Variants in MAD1L1 observed in about 807,000 individuals in gnomAD.
MAD1L1 encodes the protein mitotic spindle assembly checkpoint protein MAD1.
In MAD1L1, 95 loss-of-function variants were observed where a neutral mutation model predicts 96.9. The observed-to-expected ratio is 0.98, with a 90% confidence interval of 0.83 to 1.16. The LOEUF (loss-of-function observed/expected upper bound fraction) is 1.16, where lower values mean the gene tolerates loss of function less well. MAD1L1 is among the 50% of genes most tolerant of loss of function. The pLI is 0.00. For missense variants in MAD1L1, 1,007 were observed against 954.4 expected, an observed-to-expected ratio of 1.06 and a Z score of -0.73; for synonymous variants, 473 against 396.6, an observed-to-expected ratio of 1.19 and a Z score of -2.29.
chr7:1,903,846 C>G (rs1787435055), intron 17 of MAD1L1, among the ~76,000 whole-genome samples: 1 of 143,272 alleles, frequency 7.0e-6, no homozygotes, highest in African/African-American at 2.7e-5. Flanking sequence ...ATTGATCAAG[C>G]ACTGTTCCAG....
chr7:2,187,794 T>C (rs1791530847), intron 10 of MAD1L1, among the ~76,000 whole-genome samples: 1 of 152,236 alleles, frequency 6.6e-6, no homozygotes, highest in South Asian at 2.1e-4. Context: ...TAAAATATTT[T>C]ACTTAAAAAC....
chr7:2,098,990 G>A (rs3778966), intron 11 of MAD1L1, among the ~76,000 whole-genome samples: 54 of 152,238 alleles, frequency 3.5e-4, no homozygotes, highest in South Asian at 1.4e-3. Context: ...GGAAGGTGCC[G>A]GAATGTCTGG....
At chr7:2,051,369 C>G (rs1197962422) in intron 12 of MAD1L1, among the ~76,000 whole-genome samples, 2 of 152,212 alleles carry the variant, frequency 1.3e-5, no homozygotes, top group African/African-American at 4.8e-5. Flanking sequence ...CTCCAGGTTT[C>G]TCGTCCATAA....
intron 5 of MAD1L1, among the ~76,000 whole-genome samples, chr7:2,220,156 G>A (rs1793518630): frequency 6.6e-6 from 1 of 152,238 alleles, no homozygotes; most frequent in Non-Finnish European, 1.5e-5. Context: ...GACAAAGACG[G>A]AGGCTGTGCA....
intron 18 of MAD1L1, among the ~76,000 whole-genome samples, chr7:1,859,132 G>A (rs532880487): frequency 1.7e-4 from 24 of 143,808 alleles, no homozygotes; most frequent in Non-Finnish European, 2.8e-4. Context: ...AACCCCACAC[G>A]CAGGAGGGCC....
At chr7:1,971,307 T>A (rs1356143975) in intron 15 of MAD1L1, among the ~76,000 whole-genome samples, 1 of 152,190 alleles carries the variant, frequency 6.6e-6, no homozygotes, top group African/African-American at 2.4e-5. Flanking sequence ...GCAGCCAGGC[T>A]CCTACAGGCT....
chr7:1,900,800 T>TTCC (rs929561575), intron 17 of MAD1L1, among the ~76,000 whole-genome samples: 1 of 152,196 alleles, frequency 6.6e-6, no homozygotes, highest in Non-Finnish European at 1.5e-5. Flanking sequence ...ACAGCCCTGT[T>TTCC]TTCCGATAGA....
At chr7:1,880,189 T>C (rs1396243169) in intron 18 of MAD1L1, among the ~76,000 whole-genome samples, 1 of 152,206 alleles carries the variant, frequency 6.6e-6, no homozygotes, top group African/African-American at 2.4e-5. Flanking sequence ...ACAGTGTTCC[T>C]AATCAGCACC....
At chr7:2,056,035 T>C (rs1784375061) in intron 12 of MAD1L1, among the ~76,000 whole-genome samples, 1 of 152,242 alleles carries the variant, frequency 6.6e-6, no homozygotes, top group African/African-American at 2.4e-5. Flanking sequence ...GCTGGCCGCA[T>C]GGCCTGGGCA....
intron 11 of MAD1L1, among the ~76,000 whole-genome samples, chr7:2,078,082 G>A (rs568944575): frequency 2.0e-3 from 309 of 152,308 alleles, no homozygotes; most frequent in Non-Finnish European, 3.4e-3. Flanking sequence ...TCACCACAGA[G>A]AGGAGCCGTC....
intron 18 of MAD1L1, among the ~76,000 whole-genome samples, chr7:1,897,218 C>T (rs1203486935): frequency 2.6e-5 from 4 of 152,270 alleles, no homozygotes; most frequent in East Asian, 3.8e-4. Flanking sequence ...GACGGACATG[C>T]GTAGGCCGCA....
intron 11 of MAD1L1, among the ~76,000 whole-genome samples, chr7:2,110,279 C>T (rs755707405): frequency 1.3e-5 from 2 of 152,310 alleles, no homozygotes; most frequent in African/African-American, 4.8e-5. Flanking sequence ...CTGGACTGTG[C>T]GCTCACAGCC....
At chr7:2,201,127 T>C (rs977785507) in intron 10 of MAD1L1, among the ~76,000 whole-genome samples, 3 of 152,054 alleles carry the variant, frequency 2.0e-5, no homozygotes, top group African/African-American at 7.2e-5. Flanking sequence ...CGTTGAGGAA[T>C]GTTGGGTGGG....
chr7:2,076,625 C>T (rs1385126074), intron 11 of MAD1L1, among the ~76,000 whole-genome samples: 1 of 152,216 alleles, frequency 6.6e-6, no homozygotes, highest in Non-Finnish European at 1.5e-5. Flanking sequence ...TGCCCCAACA[C>T]AGTTATGACA....
At chr7:1,858,839 C>T (rs1283218830) in intron 18 of MAD1L1, among the ~76,000 whole-genome samples, 2 of 152,252 alleles carry the variant, frequency 1.3e-5, no homozygotes, top group Non-Finnish European at 2.9e-5. Context: ...CAGTCAGAGC[C>T]TCTGCCCCTC....
rs565023488 is a variant in MAD1L1 at position 1,824,527 on chromosome 7, C to A, written c.1999-8299G>T. On this transcript the variant is annotated intron_variant, in intron 18 of 18. Coordinates refer to ENST00000265854, the MANE Select transcript of MAD1L1 (RefSeq NM_001013836.2). ...CCCGTGCCCTGGCGCCATCGGATGG[C>A]CTCTACTGGGAAGTGAGCTGCTCCC... Among the ~76,000 whole-genome samples, 3 of 152,296 alleles carry A rather than the reference C, an allele frequency of 2.0e-5. No individual in the cohort carries two copies. The South Asian group carries it at 6.2e-4, about 32-fold the overall frequency.
rs536524934 is a variant in MAD1L1 at position 2,184,323 on chromosome 7, G to A, written c.986+28889C>T. Among the ~76,000 whole-genome samples the A allele has an allele frequency of 3.3e-5, 5 of 152,100 alleles. No individual in the cohort carries two copies. The East Asian group carries it at 9.6e-4, about 29-fold the overall frequency. ...CACTGACTAGGGAACTGGTCATTAG[G>A]GAACGTGAGTTAAAGCCAAAAGTCG... On this transcript the variant is annotated intron_variant, in intron 10 of 18. Transcript: ENST00000265854.
intron 18 of MAD1L1, among the ~76,000 whole-genome samples, chr7:1,887,425 A>G (rs552564206): frequency 8.7e-6 from 1 of 115,172 alleles, no homozygotes; most frequent in Non-Finnish European, 1.8e-5. Context: ...GTGTGTGTGC[A>G]TGCGTGCATG....
intron 12 of MAD1L1, among the ~76,000 whole-genome samples, chr7:2,042,344 C>T (rs1230265619): frequency 6.6e-6 from 1 of 152,178 alleles, no homozygotes; most frequent in Middle Eastern, 3.2e-3. Context: ...CACGCACAGA[C>T]ACACACATGG....
Sources: allele counts gnomAD v4.1 joint callset (sites outside exome capture counted in the v4.1 genomes callset), GRCh38; gene constraint gnomAD v4.1.1; transcripts MANE v1.5; gene names NCBI Gene and HGNC (gene_info 2026-07-23, HGNC 2026-07-21).